PCDHGB5: variants seen among roughly 807,000 people sequenced by gnomAD.
The protein encoded by PCDHGB5 is protocadherin gamma-B5.
A neutral mutation model predicts 62.9 loss-of-function variants in PCDHGB5; 48 were observed. That is an observed-to-expected ratio of 0.76 (90% CI 0.61 to 0.97). The LOEUF is 0.97. Ranked by LOEUF, PCDHGB5 falls within the 50% of genes least tolerant of loss-of-function variation. The pLI is 0.00. For missense variants in PCDHGB5, 1,118 were observed against 1,198.6 expected (o/e 0.93, Z 0.99); for synonymous variants, 474 against 511.2 (o/e 0.93, Z 0.98).
intron 1 of PCDHGB5, chr5:141,410,140 G>C: frequency 6.2e-7 from 1 of 1,612,782 alleles, no homozygotes; most frequent in Non-Finnish European, 8.5e-7. Context: ...TGGTCGCTGT[G>C]CGTGACGGTG....
rs111458813 is a variant in PCDHGB5 at position 141,483,648 on chromosome 5, TTG to T, written c.2398-11139_2398-11138del. Among the ~76,000 whole-genome samples, 82 of 149,502 alleles carry T rather than the reference TTG, an allele frequency of 5.5e-4. 1 individual carries two copies. The highest frequency in any genetic ancestry group is 2.5e-3 in the Admixed American group (37 of 14,990). Reference sequence around the variant, plus strand: ...GGAGAAGGTATAGAGGGGTGTGTGTTTGTGTGTGTGTGTGTGTGTGTAAAAGA... The same window carrying T: ...GGAGAAGGTATAGAGGGGTGTGTGTTTGTGTGTGTGTGTGTGTGTAAAAGA... On this transcript the variant is annotated intron_variant, in intron 1 of 3. Transcript: ENST00000617380.
At chr5:141,405,397 T>A (rs1383127737) in intron 1 of PCDHGB5, 3 of 1,591,464 alleles carry the variant, frequency 1.9e-6, no homozygotes, top group Admixed American at 1.8e-5. Context: ...TTTTTTTCTT[T>A]CTTTCTTTTC....
At chr5:141,496,994 T>A (rs2099773177) in intron 2 of PCDHGB5, among the ~76,000 whole-genome samples, 1 of 151,862 alleles carries the variant, frequency 6.6e-6, no homozygotes, top group Non-Finnish European at 1.5e-5. Flanking sequence ...GAGACCAGCC[T>A]GGCAGCCAAC....
chr5:141,472,268 A>G (rs399559), intron 1 of PCDHGB5, among the ~76,000 whole-genome samples: 152,324 of 152,332 alleles, frequency 1, 76,158 homozygotes, highest in Middle Eastern at 1. Flanking sequence ...ATAGCCGGGC[A>G]CAGTGGCTCA....
In PCDHGB5 at chr5:141,398,486, A is replaced by G. The variant is rs892086829; in HGVS notation, c.359A>G (p.Asn120Ser). Residue 120 changes from asparagine (N) to serine (S), a missense_variant, in exon 1 of 4, where the codon AAT becomes AGT. By Grantham distance (46) the Asn-to-Ser change is conservative (BLOSUM62 1). Coordinates refer to ENST00000617380, the MANE Select transcript of PCDHGB5 (RefSeq NM_018925.3). ...AATCCACTGAACTTTTATCACGTGA[A>G]TGTGGAGATCGAGGACATTAATGAC... ...AENPLNFYHV[N>S]VEIEDINDHT... The G allele has an allele frequency of 1.1e-5, 17 of 1,608,942 alleles. No individual in the cohort carries two copies. The highest frequency in any genetic ancestry group is 1.4e-5 in the Non-Finnish European group (17 of 1,176,070).
In PCDHGB5 at chr5:141,421,687, G is replaced by C. The variant is rs763146085; in HGVS notation, c.2397+21163G>C. On this transcript the variant is annotated intron_variant, in intron 1 of 3. Coordinates refer to ENST00000617380, the MANE Select transcript of PCDHGB5 (RefSeq NM_018925.3). ...GCACGCAATTCCTGGGGCGCGATTT[G>C]CTCTTCCTAATGCTAGGGATCCAGA... 1.3e-5 allele frequency: 21 copies of C among 1,613,788 alleles called. No individual in the cohort carries two copies. Among genetic ancestry groups the C allele is most frequent in the Non-Finnish European group, 1.8e-5 (21 of 1,179,860 alleles).
rs61612330 is a variant in PCDHGB5, at chr5:141,454,796, A to ATTTTTTTTTTTTTTTTT, written c.2398-39998_2398-39982dup. Among the ~76,000 whole-genome samples the ATTTTTTTTTTTTTTTTT allele has an allele frequency of 1.9e-3, 147 of 77,454 alleles. 11 individuals carry two copies. Among genetic ancestry groups the ATTTTTTTTTTTTTTTTT allele is most frequent in the Middle Eastern group, 0.017 (2 of 120 alleles). 50.8% of individuals were successfully genotyped at this position (77,454 alleles called of 152,430 possible). ...AAGGAAATAATCCTCCATGGTTCTA[A>ATTTTTTTTTTTTTTTTT]TTTTTTTTTTTTTTTTTTTTTTTTT... On this transcript the variant is annotated intron_variant, in intron 1 of 3. Coordinates refer to ENST00000617380, the MANE Select transcript of PCDHGB5 (RefSeq NM_018925.3).
chr5:141,409,014 AG>A, intron 1 of PCDHGB5: 1 of 1,614,014 alleles, frequency 6.2e-7, no homozygotes, highest in Non-Finnish European at 8.5e-7. Context: ...GACCAGGATG[AG>A]GGGGTCAATG....
rs371245499 is a variant in PCDHGB5 at position 141,399,811 on chromosome 5, G to T, written c.1684G>T (p.Ala562Ser). 1.0e-4 allele frequency: 169 copies of T among 1,613,100 alleles called. No homozygotes were observed. The highest frequency in any genetic ancestry group is 1.4e-4 in the Non-Finnish European group (163 of 1,179,762). The part of the protein sequence containing the change: ...NDNAPRVLYP[A>S]LGPDGSALFD... ...CAACGCACCGCGGGTGCTGTACCCC[G>T]CGCTGGGTCCCGACGGCTCTGCGCT... The change falls in exon 1 of 4, where the codon GCG becomes TCG. Residue 562 changes from alanine to serine, a missense_variant. Coordinates refer to ENST00000617380, the MANE Select transcript of PCDHGB5 (RefSeq NM_018925.3).
chr5:141,509,825 C>A (rs1057042581), intron 3 of PCDHGB5, among the ~76,000 whole-genome samples: 18 of 152,222 alleles, frequency 1.2e-4, no homozygotes, highest in African/African-American at 1.2e-4. Context: ...TCTCCATCTT[C>A]TCTCTACCTC....
In PCDHGB5 at chr5:141,486,499, C is replaced by G. The variant is rs1487201957; in HGVS notation, c.2398-8308C>G. 2 of 1,614,010 alleles carry G rather than the reference C, an allele frequency of 1.2e-6. No homozygotes were observed. Among genetic ancestry groups the G allele is most frequent in the Non-Finnish European group, 1.7e-6 (2 of 1,179,874 alleles). On this transcript the variant is annotated intron_variant, in intron 1 of 3. Coordinates refer to ENST00000617380, the MANE Select transcript of PCDHGB5 (RefSeq NM_018925.3). This position sits in a 1 kb window ranked among gnomAD's most constrained non-coding sequence, Gnocchi z 5.0. ...CTCTCAGTACCCACAGAACTATTTT[C>G]CTCAATATTTCAGATGTGAATGATA...
intron 1 of PCDHGB5, among the ~76,000 whole-genome samples, chr5:141,449,134 T>C (rs538592980): frequency 9.2e-4 from 140 of 152,242 alleles, no homozygotes; most frequent in Non-Finnish European, 1.8e-3. Context: ...AGAAATGGAA[T>C]TGAAATTGCT....
intron 1 of PCDHGB5, among the ~76,000 whole-genome samples, chr5:141,453,288 ATTATTTAT>A (rs577328880): frequency 6.6e-6 from 1 of 151,342 alleles, no homozygotes; most frequent in Non-Finnish European, 1.5e-5. Context: ...TAATTTTTTA[ATTATTTAT>A]TTATTTATTT....
intron 1 of PCDHGB5, among the ~76,000 whole-genome samples, chr5:141,473,706 G>C (rs1241009670): frequency 6.6e-6 from 1 of 152,186 alleles, no homozygotes; most frequent in African/African-American, 2.4e-5. Context: ...CCTCCAAGTG[G>C]TGCAATGGAA....
chr5:141,506,177 G>A (rs1024892091), intron 3 of PCDHGB5, among the ~76,000 whole-genome samples: 16 of 152,142 alleles, frequency 1.1e-4, no homozygotes, highest in Admixed American at 4.6e-4. Flanking sequence ...TAAGCTGGGC[G>A]TGGTGGCTCA....
intron 1 of PCDHGB5, chr5:141,440,191 A>G (rs1239698049): frequency 1.3e-5 from 2 of 152,376 alleles, no homozygotes; most frequent in African/African-American, 4.8e-5. Context: ...GTTGAAGGCC[A>G]GGCATGGTGG....
Position 141,490,867 on chromosome 5 carries a change from C to G in PCDHGB5, c.2398-3940C>G. ...GGGGGTTCGAGACTCCGGCTCTCCC[C>G]CATTGCATGCCAACACATCTCTGCA... On this transcript the variant is annotated intron_variant, in intron 1 of 3. Coordinates refer to ENST00000617380, the MANE Select transcript of PCDHGB5 (RefSeq NM_018925.3). This position sits in a 1 kb window ranked among gnomAD's most constrained non-coding sequence, Gnocchi z 5.4. 6.2e-7 allele frequency: 1 copy of G among 1,613,912 alleles called. No individual in the cohort carries two copies. The highest frequency in any genetic ancestry group is 8.5e-7 in the Non-Finnish European group (1 of 1,179,936).
chr5:141,495,449 G>T (rs1249221693), intron 2 of PCDHGB5, among the ~76,000 whole-genome samples: 1 of 152,194 alleles, frequency 6.6e-6, no homozygotes, highest in East Asian at 1.9e-4. Flanking sequence ...TACTTGTCCT[G>T]CTCTCTGTCT....
In PCDHGB5 at chr5:141,490,108, C is replaced by A; in HGVS notation, c.2398-4699C>A. The A allele has an allele frequency of 6.2e-7, 1 of 1,614,244 alleles. No homozygotes were observed. The highest frequency in any genetic ancestry group is 8.5e-7 in the Non-Finnish European group (1 of 1,180,034). On this transcript the variant is annotated intron_variant, in intron 1 of 3. Transcript: ENST00000617380. This position sits in a 1 kb window ranked among gnomAD's most constrained non-coding sequence, Gnocchi z 5.4. The stretch of plus-strand genomic sequence containing the variant: ...TGGAGACCACACATCTGAGGCAGTG[C>A]GGAACCTCTTTGGCCTAGACCCTAG...
Sources: allele counts gnomAD v4.1 joint callset (sites outside exome capture counted in the v4.1 genomes callset), GRCh38; gene constraint gnomAD v4.1.1; non-coding constraint Gnocchi (gnomAD v3.1); transcripts MANE v1.5; gene names NCBI Gene and HGNC (gene_info 2026-07-23, HGNC 2026-07-21).